RPP40: variants seen among roughly 807,000 people sequenced by gnomAD.
The protein encoded by RPP40 is ribonuclease P/MRP subunit p40.
In RPP40, 30 loss-of-function variants were observed where a neutral mutation model predicts 42.5. The observed-to-expected ratio is 0.71, with a 90% CI of 0.53 to 0.96. RPP40 has a LOEUF of 0.96. RPP40 is among the 40% of genes least tolerant of loss of function. RPP40 has a pLI of 0.00. For missense variants in RPP40, 426 were observed against 433.5 expected, an observed-to-expected ratio of 0.98 and a Z score of 0.15; for synonymous variants, 173 against 164.0, an observed-to-expected ratio of 1.05 and a Z score of -0.42.
At chr6:5,002,960 T>G (rs1450553029) in intron 1 of RPP40, among the ~76,000 whole-genome samples, 1 of 152,242 alleles carries the variant, frequency 6.6e-6, no homozygotes, top group African/African-American at 2.4e-5. Flanking sequence ...ATTAAGCTGA[T>G]CCATTTAAAG....
chr6:4,988,695 T>C, the RPP40 span, among the ~76,000 whole-genome samples: 2 of 152,226 alleles, frequency 1.3e-5, no homozygotes, highest in African/African-American at 4.8e-5. Flanking sequence ...ATTTCATGGA[T>C]CACAATTTGC....
At chr6:4,999,444 A>C (rs1274302206) in intron 4 of RPP40, among the ~76,000 whole-genome samples, 1 of 151,934 alleles carries the variant, frequency 6.6e-6, no homozygotes, top group East Asian at 1.9e-4. Flanking sequence ...GACTACAGGC[A>C]TGCGCCACCA....
intron 4 of RPP40, among the ~76,000 whole-genome samples, chr6:4,999,110 G>T (rs1759467407): frequency 6.6e-6 from 1 of 151,320 alleles, no homozygotes; most frequent in Non-Finnish European, 1.5e-5. Flanking sequence ...GAGAGGTCAG[G>T]TTTAATCTAC....
downstream of RPP40, among the ~76,000 whole-genome samples, chr6:4,990,489 TCTCC>T (rs1395976050): frequency 2.0e-5 from 3 of 152,198 alleles, no homozygotes; most frequent in Non-Finnish European, 4.4e-5. Context: ...TCTCTCCTTC[TCTCC>T]CTTTCTTTGA....
At chr6:5,000,119 T>C (rs982806338) in intron 3 of RPP40, among the ~76,000 whole-genome samples, 3 of 152,220 alleles carry the variant, frequency 2.0e-5, no homozygotes, top group Admixed American at 6.5e-5. Flanking sequence ...TTTATAATAG[T>C]GAAATTTAAA....
rs1455448832 is a variant in RPP40, at chr6:4,995,095, C to T, written c.1075G>A (p.Asp359Asn). 1 of 1,613,130 alleles carries T rather than the reference C, an allele frequency of 6.2e-7. No individual in the cohort carries two copies. Among genetic ancestry groups the T allele is most frequent in the Non-Finnish European group, 8.5e-7 (1 of 1,179,538 alleles). Residue 359 changes from aspartate to asparagine, a missense_variant, in exon 8 of 8, where the codon GAT becomes AAT. Asp to Asn is a conservative substitution (Grantham distance 23). Transcript: ENST00000380051. ...TTTATTTTTTATGGTGGACAGTGAT[C>T]ATTTGCCCCAACAGCCATCTGAAGC... ...YWLQMAVGAN[D>N]HCPP
chr6:4,995,011 C>G lies in RPP40; in HGVS notation c.*67G>C. ...CACAAGCCTGAGTGGACACACAGAC[C>G]TTTTACCATTAAGAAATCTGAAAGC... On this transcript the variant is annotated 3_prime_UTR_variant, in exon 8 of 8. Coordinates refer to ENST00000380051, the MANE Select transcript of RPP40 (RefSeq NM_006638.4). 2.9e-6 allele frequency: 4 copies of G among 1,378,634 alleles called. No homozygotes were observed. The South Asian group carries it at 5.1e-5, about 18-fold the overall frequency. The allele number at this position is 1,378,634 out of a possible 1,614,324, so 85.4% of individuals were successfully genotyped here. A position where few individuals can be genotyped will look rare whatever the true frequency, so the allele number is the denominator to read the frequency against.
intron 1 of RPP40, among the ~76,000 whole-genome samples, chr6:5,002,794 G>C (rs866976499): frequency 2.0e-5 from 3 of 152,174 alleles, no homozygotes; most frequent in Middle Eastern, 3.2e-3. Context: ...GCTGTGATGA[G>C]CTTGACATCC....
chr6:4,999,891 CA>C lies in RPP40; in HGVS notation c.350del (p.Leu117CysfsTer26). On this transcript the variant is annotated frameshift_variant, in exon 4 of 8. Transcript: ENST00000380051. LOFTEE classifies it high-confidence loss of function. ...VALLPNGKLILSLDKDTYEET... is the reference protein window; with the variant it reads ...VALLPNGKLIXSLDKDTYEET... ...CTTCATAAGTGTCTTTATCCAGTGACAAAATTAATTTCCCTATAAATCAAAT... is the reference window on the plus strand; with the variant it reads ...CTTCATAAGTGTCTTTATCCAGTGACAAATTAATTTCCCTATAAATCAAAT... 5 of 1,596,324 alleles carry C rather than the reference CA, an allele frequency of 3.1e-6. No homozygotes were observed. Among genetic ancestry groups the C allele is most frequent in the Non-Finnish European group, 3.4e-6 (4 of 1,165,154 alleles).
intron 2 of RPP40, 78 bp from the exon 3 acceptor site, chr6:5,000,709 A>G (rs888692997): frequency 1.1e-6 from 1 of 929,208 alleles, no homozygotes; most frequent in African/African-American, 1.7e-5. Context: ...TTTTTACAAG[A>G]TAACCAGTCT....
chr6:5,000,961 T>A, intron 2 of RPP40: 1 of 438,908 alleles, frequency 2.3e-6, no homozygotes, highest in South Asian at 1.7e-5. Context: ...AGACCAAGCA[T>A]GCAGAAGACC....
chr6:5,001,080 G>C (rs1289624358), intron 2 of RPP40: 3 of 457,196 alleles, frequency 6.6e-6, no homozygotes, highest in South Asian at 4.6e-5. Flanking sequence ...AACTGACTCA[G>C]AACGGAACGT....
downstream of RPP40, among the ~76,000 whole-genome samples, chr6:4,992,807 T>C (rs1759279194): frequency 6.6e-6 from 1 of 152,264 alleles, no homozygotes; most frequent in East Asian, 1.9e-4. Flanking sequence ...TTCTTTTTGA[T>C]GAATCAAGTT....
intron 5 of RPP40, 100 bp downstream of exon 5, chr6:4,998,616 T>C: frequency 1.3e-6 from 1 of 786,888 alleles, no homozygotes. Context: ...AGAATATTCC[T>C]TGACTAAAGA....
rs1288485653 is a variant in RPP40 at position 5,003,937 on chromosome 6, G to A, written c.66C>T (p.Phe22=). 6.2e-7 allele frequency: 1 copy of A among 1,613,522 alleles called. No homozygotes were observed. Among genetic ancestry groups the A allele is most frequent in the Admixed American group, 1.7e-5 (1 of 59,992 alleles). The change falls in exon 1 of 8, where the codon TTC becomes TTT. Residue 22 remains phenylalanine, a synonymous_variant. Transcript: ENST00000380051. ...RHLLVCEKSN[F]GNHKSRHRHL... ...GCCGGTGGCGCGACTTGTGGTTGCC[G>A]AAGTTGGATTTCTCGCAAACCAGTA... is the stretch of plus-strand genomic sequence containing the variant.
intron 2 of RPP40, among the ~76,000 whole-genome samples, chr6:5,001,625 G>C (rs1324717989): frequency 6.6e-6 from 1 of 152,192 alleles, no homozygotes; most frequent in African/African-American, 2.4e-5. Flanking sequence ...GGTGGAAATG[G>C]GGTGAGTAGA....
intron 1 of RPP40, chr6:5,003,632 A>C: frequency 2.4e-6 from 1 of 409,916 alleles, no homozygotes; most frequent in Non-Finnish European, 4.3e-6. Context: ...AACGCCCCTG[A>C]CAACAGCTCC....
intron 5 of RPP40, 100 bp from the exon 6 acceptor site, chr6:4,996,520 TTGAG>T (rs937913881): frequency 8.6e-6 from 9 of 1,050,372 alleles, no homozygotes; most frequent in Admixed American, 3.7e-5. Context: ...AGCGGTAAGA[TTGAG>T]TAAGATGGAA....
chr6:4,998,338 C>G (rs1759443404), intron 5 of RPP40, among the ~76,000 whole-genome samples: 1 of 152,058 alleles, frequency 6.6e-6, no homozygotes, highest in Non-Finnish European at 1.5e-5. Flanking sequence ...GAGTCAGTAC[C>G]CTGTGATAAT....
Sources: gnomAD v4.1 joint callset for allele counts (sites outside exome capture counted in the v4.1 genomes callset) on GRCh38, gnomAD v4.1.1 for gene constraint, MANE v1.5 for transcripts, NCBI Gene and HGNC (gene_info 2026-07-23, HGNC 2026-07-21) for gene names.